TENM2: variants seen among roughly 807,000 people sequenced by gnomAD.
TENM2 encodes the protein teneurin transmembrane protein 2.
In TENM2, 52 loss-of-function variants were observed where a neutral mutation model predicts 245.2. The ratio of observed to expected loss-of-function variants is 0.21; its 90% confidence interval spans 0.17 to 0.27. The LOEUF is 0.27. Among genes scored for constraint, TENM2 ranks in the 10% least tolerant of loss-of-function variants. The pLI, the probability that TENM2 is intolerant of heterozygous loss-of-function variation, is 1.00. For missense variants in TENM2, 3,046 were observed against 3,666.8 expected (o/e 0.83, Z 4.37); for synonymous variants, 1,363 against 1,438.9 (o/e 0.95, Z 1.19).
At chr5:168,106,347 ATC>A (rs1794240543) in intron 9 of TENM2, among the ~76,000 whole-genome samples, 3 of 31,652 alleles carry the variant, frequency 9.5e-5, no homozygotes, top group Middle Eastern at 0.014. Context: ...AAAACAAATC[ATC>A]ATCATCATCA....
At chr5:167,034,857 C>T in the TENM2 span, among the ~76,000 whole-genome samples, 1 of 152,044 alleles carries the variant, frequency 6.6e-6, no homozygotes, top group Non-Finnish European at 1.5e-5. Flanking sequence ...TAGTACTCTT[C>T]TAAGATGCCG....
chr5:167,455,692 A>G (rs1343894478), intron 2 of TENM2, among the ~76,000 whole-genome samples: 1 of 152,132 alleles, frequency 6.6e-6, no homozygotes, highest in Non-Finnish European at 1.5e-5. Flanking sequence ...TTTAAAGGCT[A>G]TTCTGTGCCT....
intron 2 of TENM2, among the ~76,000 whole-genome samples, chr5:167,599,210 T>C (rs142771584): frequency 6.6e-6 from 1 of 152,304 alleles, no homozygotes; most frequent in African/African-American, 2.4e-5. Context: ...GGGAAATTTT[T>C]TGGGCTGAGT....
At position 167,443,295 on chromosome 5, in the gene TENM2, C is replaced by T. The variant is rs550592838; in HGVS notation, c.502+67822C>T. 8.5e-5 allele frequency among the ~76,000 whole-genome samples: 13 copies of T among 152,092 alleles called. No individual in the cohort carries two copies. In the South Asian group the frequency reaches 1.7e-3, roughly 19 times the overall value. ...TAGTAGTGGTTGGCAAATTAGTGCT[C>T]GGGTACCAAATCCAGCTTCAAGCCT... On this transcript the variant is annotated intron_variant, in intron 2 of 28. Coordinates refer to ENST00000518659, the Ensembl canonical transcript of TENM2.
chr5:167,333,694 C>A (rs1757590001), intron 1 of TENM2, among the ~76,000 whole-genome samples: 13 of 152,116 alleles, frequency 8.5e-5, no homozygotes, highest in Admixed American at 8.5e-4. Flanking sequence ...GTTCTTGTCC[C>A]TTTGCTCCAG....
At chr5:167,757,484 T>C (rs1483195669) in intron 2 of TENM2, among the ~76,000 whole-genome samples, 3 of 152,214 alleles carry the variant, frequency 2.0e-5, no homozygotes, top group Admixed American at 1.3e-4. Context: ...CTTTATCCAG[T>C]CTATCATCGA....
chr5:167,286,936 T>C (rs1754305428), intron 1 of TENM2, among the ~76,000 whole-genome samples: 1 of 152,238 alleles, frequency 6.6e-6, no homozygotes, highest in Non-Finnish European at 1.5e-5. Flanking sequence ...CTTGGCCATA[T>C]CAAACTCATA....
Position 168,199,132 on chromosome 5 carries a change from A to G in TENM2, c.3162+18A>G. ...AGACCCAGGTAGGAATGGCAGTGCC[A>G]GGGCGGGACTCTCAGGACTTCCCTA... On this transcript the variant is annotated intron_variant, in intron 16 of 28. Coordinates refer to ENST00000518659, the Ensembl canonical transcript of TENM2. The G allele has an allele frequency of 6.2e-7, 1 of 1,603,290 alleles. No homozygotes were observed. Among genetic ancestry groups the G allele is most frequent in the Non-Finnish European group, 8.5e-7 (1 of 1,171,798 alleles).
intron 2 of TENM2, among the ~76,000 whole-genome samples, chr5:167,383,768 C>T (rs963720807): frequency 6.0e-5 from 9 of 149,100 alleles, no homozygotes; most frequent in African/African-American, 2.2e-4. Flanking sequence ...ATAAATGTAC[C>T]TTCATTTTCC....
chr5:167,715,980 T>C (rs1759227712), intron 2 of TENM2, among the ~76,000 whole-genome samples: 1 of 152,214 alleles, frequency 6.6e-6, no homozygotes, highest in South Asian at 2.1e-4. Flanking sequence ...AGGCACACTT[T>C]ATTTGCTGCC....
intron 2 of TENM2, among the ~76,000 whole-genome samples, chr5:167,511,112 A>G (rs746952712): frequency 6.6e-6 from 1 of 152,186 alleles, no homozygotes; most frequent in African/African-American, 2.4e-5. Context: ...AAGCACTGCA[A>G]TAAGGAATTA....
chr5:167,288,286 G>A (rs1225450422), intron 1 of TENM2, among the ~76,000 whole-genome samples: 2 of 152,054 alleles, frequency 1.3e-5, no homozygotes, highest in Non-Finnish European at 2.9e-5. Context: ...ACAGGCGGGC[G>A]CGGTGGCTCA....
At chr5:168,108,757 CAAT>C (rs1307125729) in intron 9 of TENM2, among the ~76,000 whole-genome samples, 1 of 152,158 alleles carries the variant, frequency 6.6e-6, no homozygotes, top group African/African-American at 2.4e-5. Flanking sequence ...AAGTCCCCAA[CAAT>C]AAGTACTGCC....
At chr5:167,126,783 T>C in the TENM2 span, among the ~76,000 whole-genome samples, 1 of 152,152 alleles carries the variant, frequency 6.6e-6, no homozygotes. Context: ...CCATTTTAAA[T>C]TGCAATTGTA....
At chr5:168,131,531 G>A (rs1346226453) in intron 12 of TENM2, among the ~76,000 whole-genome samples, 1 of 152,114 alleles carries the variant, frequency 6.6e-6, no homozygotes, top group Non-Finnish European at 1.5e-5. Flanking sequence ...CTTTACCCAA[G>A]GTAAAACCAG....
the TENM2 span, among the ~76,000 whole-genome samples, chr5:167,131,976 C>A: frequency 6.6e-6 from 1 of 152,080 alleles, no homozygotes; most frequent in African/African-American, 2.4e-5. Context: ...GCGTGTGCCA[C>A]CATGCCCGGA....
intron 2 of TENM2, among the ~76,000 whole-genome samples, chr5:167,714,413 G>A (rs1206740800): frequency 6.6e-6 from 1 of 152,162 alleles, no homozygotes; most frequent in East Asian, 1.9e-4. Context: ...GAATGGCATT[G>A]TTGGGTCTGA....
At chr5:167,863,281 G>A (rs573865333) in intron 2 of TENM2, among the ~76,000 whole-genome samples, 56 of 152,252 alleles carry the variant, frequency 3.7e-4, no homozygotes, top group African/African-American at 1.3e-3. Flanking sequence ...GGCAATATGG[G>A]CCCTCTTGTG....
intron 2 of TENM2, among the ~76,000 whole-genome samples, chr5:167,570,521 G>A (rs1328507136): frequency 6.6e-6 from 1 of 152,096 alleles, no homozygotes; most frequent in South Asian, 2.1e-4. Context: ...TATAGATTAG[G>A]GCAGAGTCAA....
Sources: gnomAD v4.1 joint callset for allele counts (sites outside exome capture counted in the v4.1 genomes callset) on GRCh38, gnomAD v4.1.1 for gene constraint, MANE v1.5 for transcripts, NCBI Gene and HGNC (gene_info 2026-07-23, HGNC 2026-07-21) for gene names.